Variants in WWOX observed in about 807,000 individuals in gnomAD.
The protein encoded by WWOX is WW domain-containing oxidoreductase.
In WWOX, 69 loss-of-function variants were observed where a neutral mutation model predicts 46.2. The ratio of observed to expected loss-of-function variants is 1.49; its 90% confidence interval spans 1.23 to 1.82. The LOEUF (loss-of-function observed/expected upper bound fraction) is 1.82. WWOX is among the 40% of genes most tolerant of loss of function. The pLI is 0.00. For synonymous variants in WWOX, 359 were observed against 202.6 expected, an observed-to-expected ratio of 1.77 and a Z score of -6.56; for missense variants, 919 against 542.6, an observed-to-expected ratio of 1.69 and a Z score of -6.89.
chr16:79,202,030 C>T (rs77922798), intron 8 of WWOX, among the ~76,000 whole-genome samples: 12,487 of 151,898 alleles, frequency 0.082, 702 homozygotes, highest in African/African-American at 0.15. Context: ...AAACTATGGC[C>T]TGCCGGCTAA....
At chr16:78,857,698 A>T (rs1306986644) in intron 8 of WWOX, among the ~76,000 whole-genome samples, 1 of 152,216 alleles carries the variant, frequency 6.6e-6, no homozygotes, top group Non-Finnish European at 1.5e-5. Context: ...TGATCACTAG[A>T]GGCCTTTTCC....
chr16:79,122,632 C>A (rs1355331688), intron 8 of WWOX, among the ~76,000 whole-genome samples: 1 of 151,716 alleles, frequency 6.6e-6, no homozygotes, highest in African/African-American at 2.4e-5. Flanking sequence ...TTTCTTCTTC[C>A]CTTCCCTTTG....
intron 8 of WWOX, among the ~76,000 whole-genome samples, chr16:78,806,399 T>C: frequency 6.6e-6 from 1 of 152,192 alleles, no homozygotes; most frequent in Admixed American, 6.5e-5. Flanking sequence ...ACATTTATTT[T>C]GTTCAGGAAT....
intron 8 of WWOX, among the ~76,000 whole-genome samples, chr16:78,645,310 A>G (rs958863683): frequency 2.0e-5 from 3 of 151,868 alleles, no homozygotes; most frequent in Non-Finnish European, 4.4e-5. Flanking sequence ...TTTTTTTCCT[A>G]TCAATGCTTT....
intron 5 of WWOX, among the ~76,000 whole-genome samples, chr16:78,231,516 C>T (rs534671594): frequency 6.6e-6 from 1 of 152,256 alleles, no homozygotes; most frequent in Non-Finnish European, 1.5e-5. Context: ...TGTAGCTTTG[C>T]CTTTCCTTAG....
chr16:78,901,709 G>C (rs183093954), intron 8 of WWOX, among the ~76,000 whole-genome samples: 1 of 152,308 alleles, frequency 6.6e-6, no homozygotes, highest in East Asian at 1.9e-4. Flanking sequence ...GGCTGGTCTT[G>C]AACTCCTGTG....
chr16:78,847,703 T>C (rs1305412364), intron 8 of WWOX, among the ~76,000 whole-genome samples: 4 of 151,314 alleles, frequency 2.6e-5, no homozygotes, highest in Non-Finnish European at 2.9e-5. Context: ...TTCTATAAGA[T>C]GGAAATAATA....
At chr16:78,800,976 C>G (rs751574579) in intron 8 of WWOX, among the ~76,000 whole-genome samples, 1 of 151,756 alleles carries the variant, frequency 6.6e-6, no homozygotes, top group African/African-American at 2.4e-5. Context: ...AGCATAAATG[C>G]AAACTATCAC....
At chr16:78,607,533 C>T (rs1341736197) in intron 8 of WWOX, among the ~76,000 whole-genome samples, 1 of 152,098 alleles carries the variant, frequency 6.6e-6, no homozygotes. Flanking sequence ...ACACCTGAAA[C>T]CAACCAAAGG....
At chr16:78,231,523 T>C (rs781096982) in intron 5 of WWOX, among the ~76,000 whole-genome samples, 30 of 152,330 alleles carry the variant, frequency 2.0e-4, no homozygotes, top group Non-Finnish European at 2.9e-4. Flanking sequence ...TTGCCTTTCC[T>C]TAGTTAATCT....
intron 5 of WWOX, among the ~76,000 whole-genome samples, chr16:78,298,563 G>A (rs1049061097): frequency 5.3e-5 from 8 of 152,108 alleles, no homozygotes; most frequent in African/African-American, 1.7e-4. Context: ...AGGCCGAGGC[G>A]GGCAGATCAC....
intron 5 of WWOX, among the ~76,000 whole-genome samples, chr16:78,374,405 A>G (rs1242817287): frequency 6.6e-6 from 1 of 151,914 alleles, no homozygotes; most frequent in Non-Finnish European, 1.5e-5. Context: ...TGCTTCTTAA[A>G]TTCATTTTCA....
intron 8 of WWOX, among the ~76,000 whole-genome samples, chr16:78,810,788 A>G (rs1017380573): frequency 6.6e-6 from 1 of 152,236 alleles, no homozygotes; most frequent in African/African-American, 2.4e-5. Flanking sequence ...GAGACAAATC[A>G]TCTTATGCAG....
chr16:78,436,750 C>G (rs2083343406), intron 8 of WWOX, among the ~76,000 whole-genome samples: 1 of 152,078 alleles, frequency 6.6e-6, no homozygotes, highest in Admixed American at 6.6e-5. Flanking sequence ...GAATGTAGAC[C>G]TCGGGTTGGT....
At chr16:78,477,144 T>A (rs562706786) in intron 8 of WWOX, among the ~76,000 whole-genome samples, 5 of 152,316 alleles carry the variant, frequency 3.3e-5, no homozygotes, top group African/African-American at 9.6e-5. Flanking sequence ...CGTCTTACAA[T>A]CTAAATATTG....
intron 8 of WWOX, among the ~76,000 whole-genome samples, chr16:78,794,151 T>A (rs1222091375): frequency 6.6e-6 from 1 of 152,080 alleles, no homozygotes; most frequent in Admixed American, 6.5e-5. Context: ...AGTGCCCTTA[T>A]AAAAGTGACC....
intron 5 of WWOX, among the ~76,000 whole-genome samples, chr16:78,361,993 A>C (rs1252974573): frequency 1.0e-5 from 1 of 99,122 alleles, no homozygotes; most frequent in Admixed American, 9.5e-5. Context: ...TTGATTTATT[A>C]ATACCTCCAT....
intron 5 of WWOX, among the ~76,000 whole-genome samples, chr16:78,385,589 G>A (rs919033190): frequency 6.6e-6 from 1 of 152,138 alleles, no homozygotes; most frequent in Non-Finnish European, 1.5e-5. Context: ...CCCAGGACTT[G>A]GCAGCCAAGA....
At chr16:78,867,526 TG>T (rs1422608938) in intron 8 of WWOX, among the ~76,000 whole-genome samples, 1 of 151,092 alleles carries the variant, frequency 6.6e-6, no homozygotes, top group African/African-American at 2.4e-5. Context: ...GTGTGTGTTT[TG>T]TTTTTTTGTG....
Sources: allele counts gnomAD v4.1 joint callset (sites outside exome capture counted in the v4.1 genomes callset), GRCh38; gene constraint gnomAD v4.1.1; transcripts MANE v1.5; gene names NCBI Gene and HGNC (gene_info 2026-07-23, HGNC 2026-07-21).